The following CAMKMT variants were observed in gnomAD, a reference collection of about 807,000 sequenced individuals.
The protein encoded by CAMKMT is calmodulin-lysine N-methyltransferase, also known as CaM KMT.
A neutral mutation model predicts 48.0 loss-of-function variants in CAMKMT; 53 were observed. The ratio of observed to expected loss-of-function variants is 1.10; its 90% confidence interval spans 0.89 to 1.39. CAMKMT has a LOEUF of 1.39. Ranked by LOEUF, CAMKMT falls within the 40% of genes most tolerant of loss-of-function variation. The pLI, the probability that CAMKMT is intolerant of heterozygous loss-of-function variation, is 0.00. For missense variants in CAMKMT, 428 were observed against 402.7 expected (o/e 1.06, Z -0.54); for synonymous variants, 165 against 152.3 (o/e 1.08, Z -0.61).
At chr2:44,648,741 C>T (rs1478050413) in intron 3 of CAMKMT, among the ~76,000 whole-genome samples, 1 of 152,150 alleles carries the variant, frequency 6.6e-6, no homozygotes, top group African/African-American at 2.4e-5. Flanking sequence ...CTAATGCTAC[C>T]TTTGAGAGCA....
At chr2:44,366,758 A>C (rs940661336) in intron 1 of CAMKMT, among the ~76,000 whole-genome samples, 3 of 151,922 alleles carry the variant, frequency 2.0e-5, no homozygotes, top group Non-Finnish European at 4.4e-5. Context: ...GTCTCACTCC[A>C]TCATCCAGGC....
intron 3 of CAMKMT, among the ~76,000 whole-genome samples, chr2:44,464,161 C>G (rs1667993252): frequency 6.6e-6 from 1 of 152,042 alleles, no homozygotes; most frequent in Non-Finnish European, 1.5e-5. Context: ...AAAGAACAAA[C>G]TAGAAATTCT....
intron 3 of CAMKMT, among the ~76,000 whole-genome samples, chr2:44,668,789 CT>C (rs1032531193): frequency 8.1e-5 from 12 of 148,216 alleles, no homozygotes; most frequent in Admixed American, 1.3e-4. Context: ...TTTCTTTTTT[CT>C]TTTTTTTTTG....
intron 3 of CAMKMT, among the ~76,000 whole-genome samples, chr2:44,516,996 C>T (rs971504520): frequency 5.3e-5 from 8 of 152,122 alleles, no homozygotes; most frequent in African/African-American, 1.9e-4. Context: ...CCTGTCTCAG[C>T]CTCCCAAAGT....
intron 2 of CAMKMT, among the ~76,000 whole-genome samples, chr2:44,377,524 C>T (rs921756749): frequency 2.6e-5 from 4 of 152,134 alleles, no homozygotes; most frequent in African/African-American, 9.7e-5. Context: ...TTAATTCCAG[C>T]ACAGCAGGAA....
chr2:44,423,235 A>C (rs113865357), intron 3 of CAMKMT, among the ~76,000 whole-genome samples: 2 of 152,104 alleles, frequency 1.3e-5, no homozygotes, highest in African/African-American at 4.8e-5. Flanking sequence ...GCTGCAGTGC[A>C]ATGGTGCGAT....
At chr2:44,510,132 A>T (rs1237471159) in intron 3 of CAMKMT, among the ~76,000 whole-genome samples, 1 of 152,168 alleles carries the variant, frequency 6.6e-6, no homozygotes, top group Non-Finnish European at 1.5e-5. Flanking sequence ...TTCAAATTTC[A>T]CCAGAATTTT....
At chr2:44,390,162 G>A in intron 2 of CAMKMT, 79 bp from the exon 3 acceptor site, 5 of 1,010,098 alleles carry the variant, frequency 5.0e-6, no homozygotes, top group Non-Finnish European at 6.1e-6. Context: ...ATAATATACA[G>A]TCTCAGTCTC....
At chr2:44,502,025 A>G (rs924060446) in intron 3 of CAMKMT, among the ~76,000 whole-genome samples, 1 of 152,192 alleles carries the variant, frequency 6.6e-6, no homozygotes, top group African/African-American at 2.4e-5. Flanking sequence ...ATGTAATGTC[A>G]GCCTGGCCAA....
chr2:44,678,125 C>T (rs984065323), intron 3 of CAMKMT, among the ~76,000 whole-genome samples: 6 of 152,076 alleles, frequency 3.9e-5, no homozygotes, highest in Admixed American at 6.6e-5. Flanking sequence ...GCTGCGTTTC[C>T]GAAAACCCAT....
At chr2:44,728,972 C>T (rs1257037004) in intron 7 of CAMKMT, among the ~76,000 whole-genome samples, 4 of 145,214 alleles carry the variant, frequency 2.8e-5, no homozygotes, top group Non-Finnish European at 4.5e-5. Flanking sequence ...GTATTTATTC[C>T]GTGTGGTTTA....
intron 3 of CAMKMT, among the ~76,000 whole-genome samples, chr2:44,477,390 A>G (rs1668743011): frequency 6.6e-6 from 1 of 152,244 alleles, no homozygotes; most frequent in African/African-American, 2.4e-5. Flanking sequence ...CTTTGTATCA[A>G]ATAAGTTTGC....
At chr2:44,362,809 A>T (rs1299562908) in intron 1 of CAMKMT, among the ~76,000 whole-genome samples, 2 of 152,226 alleles carry the variant, frequency 1.3e-5, no homozygotes, top group Non-Finnish European at 2.9e-5. Flanking sequence ...CTGGTACTTC[A>T]AAGTTTCTGC....
intron 3 of CAMKMT, among the ~76,000 whole-genome samples, chr2:44,614,974 G>A (rs1671804468): frequency 1.1e-5 from 1 of 91,904 alleles, no homozygotes; most frequent in Non-Finnish European, 2.0e-5. Flanking sequence ...ACAGGGTCTT[G>A]CTCTGTTGCC....
intron 3 of CAMKMT, among the ~76,000 whole-genome samples, chr2:44,463,623 T>C (rs183008204): frequency 1.2e-3 from 183 of 152,302 alleles, no homozygotes; most frequent in Admixed American, 4.1e-3. Flanking sequence ...CTTGGATACC[T>C]GGGGTCTACA....
intron 4 of CAMKMT, chr2:44,705,550 T>C: frequency 1.0e-6 from 1 of 984,662 alleles, no homozygotes; most frequent in Non-Finnish European, 1.2e-6. Context: ...AAGTGCAGAG[T>C]GCCACCCTAG....
intron 3 of CAMKMT, among the ~76,000 whole-genome samples, chr2:44,679,370 C>T (rs1675890650): frequency 6.6e-6 from 1 of 152,138 alleles, no homozygotes; most frequent in African/African-American, 2.4e-5. Flanking sequence ...ACTCTGATTA[C>T]TTGCCTCCGA....
At chr2:44,495,429 C>T (rs776461166) in intron 3 of CAMKMT, among the ~76,000 whole-genome samples, 1 of 152,070 alleles carries the variant, frequency 6.6e-6, no homozygotes, top group Non-Finnish European at 1.5e-5. Flanking sequence ...AAGATGTGAG[C>T]CACCGTGCAC....
chr2:44,553,504 G>C (rs760789859), intron 3 of CAMKMT, among the ~76,000 whole-genome samples: 4 of 152,030 alleles, frequency 2.6e-5, no homozygotes, highest in Non-Finnish European at 4.4e-5. Flanking sequence ...GCGACTATAG[G>C]CATGGGCCAC....
Sources: gnomAD v4.1 joint callset for allele counts (sites outside exome capture counted in the v4.1 genomes callset) on GRCh38, gnomAD v4.1.1 for gene constraint, MANE v1.5 for transcripts, NCBI Gene and HGNC (gene_info 2026-07-23, HGNC 2026-07-21) for gene names.